Variants in AK5 observed in about 807,000 individuals in gnomAD.
The protein encoded by AK5 is adenylate kinase isoenzyme 5.
In AK5, 27 loss-of-function variants were observed where a neutral mutation model predicts 69.5. The ratio of observed to expected loss-of-function variants is 0.39; its 90% CI spans 0.29 to 0.54. AK5 has a LOEUF of 0.54. AK5 is among the 20% of genes least tolerant of loss of function. The pLI is 0.71. For missense variants in AK5, 531 were observed against 700.4 expected (o/e 0.76, Z 2.73); for synonymous variants, 260 against 244.4 (o/e 1.06, Z -0.60).
At chr1:77,339,487 A>G (rs1264573348) in intron 5 of AK5, among the ~76,000 whole-genome samples, 2 of 152,208 alleles carry the variant, frequency 1.3e-5, no homozygotes, top group African/African-American at 4.8e-5. Flanking sequence ...AGTGAAAGGA[A>G]CAGAGGCCTT....
chr1:77,320,002 G>A (rs1389765224), intron 5 of AK5, among the ~76,000 whole-genome samples: 1 of 152,182 alleles, frequency 6.6e-6, no homozygotes, highest in African/African-American at 2.4e-5. Flanking sequence ...CCCAAGACTG[G>A]TAATTTACAA....
At chr1:77,407,100 A>G (rs1393231616) in intron 6 of AK5, among the ~76,000 whole-genome samples, 10 of 150,500 alleles carry the variant, frequency 6.6e-5, no homozygotes, top group Admixed American at 1.3e-4. Context: ...AAAAAAATCA[A>G]CTGAAACTGA....
chr1:77,442,201 C>A (rs1330252662), intron 8 of AK5, among the ~76,000 whole-genome samples: 1 of 152,040 alleles, frequency 6.6e-6, no homozygotes, highest in African/African-American at 2.4e-5. Context: ...AAGCCATGGG[C>A]AGGGATGATT....
At chr1:77,332,922 T>G (rs1351763579) in intron 5 of AK5, among the ~76,000 whole-genome samples, 3 of 152,082 alleles carry the variant, frequency 2.0e-5, no homozygotes, top group Non-Finnish European at 4.4e-5. Context: ...ATTGTGGATT[T>G]GTGACTTTCT....
intron 10 of AK5, among the ~76,000 whole-genome samples, chr1:77,512,852 A>G (rs12732561): frequency 0.13 from 19,991 of 152,176 alleles, 1,649 homozygotes; most frequent in Admixed American, 0.2. Flanking sequence ...TGATGAGTTC[A>G]TGTCCTTTGT....
chr1:77,519,245 C>T (rs1657843548), intron 11 of AK5, among the ~76,000 whole-genome samples: 1 of 152,116 alleles, frequency 6.6e-6, no homozygotes, highest in Admixed American at 6.5e-5. Context: ...TTCATCCCTG[C>T]CACACTGGGT....
intron 6 of AK5, among the ~76,000 whole-genome samples, chr1:77,367,063 C>T (rs1044514196): frequency 2.0e-5 from 3 of 152,090 alleles, no homozygotes; most frequent in African/African-American, 7.2e-5. Context: ...CTCAGGCAAA[C>T]TTGTGAGGTG....
intron 8 of AK5, chr1:77,420,312 A>G (rs1345425455): frequency 2.0e-5 from 3 of 152,158 alleles, no homozygotes; most frequent in African/African-American, 7.2e-5. Flanking sequence ...CTAAAATATT[A>G]AAAGTGAAAA....
At position 77,406,493 on chromosome 1, in the gene AK5, C is replaced by G. The variant is rs151175325; in HGVS notation, c.892-4488C>G. On this transcript the variant is annotated intron_variant, in intron 6 of 13. Coordinates refer to ENST00000354567, the MANE Select transcript of AK5 (RefSeq NM_174858.3). ...TATGCAGAGGGCCTAATCAGATATT[C>G]AGTGGCCACCTTGTATCTGTCCTAA... 3.3e-5 allele frequency among the ~76,000 whole-genome samples: 5 copies of G among 151,604 alleles called. 1 individual carries two copies. The highest frequency in any genetic ancestry group is 1.2e-4 in the African/African-American group (5 of 41,218).
At chr1:77,551,995 C>A (rs989837745) in intron 13 of AK5, among the ~76,000 whole-genome samples, 2 of 152,130 alleles carry the variant, frequency 1.3e-5, no homozygotes, top group Admixed American at 1.3e-4. Flanking sequence ...AACTCTTAAA[C>A]CTTCTCCTAG....
intron 5 of AK5, among the ~76,000 whole-genome samples, chr1:77,339,368 T>C (rs1425680309): frequency 6.6e-6 from 1 of 152,248 alleles, no homozygotes; most frequent in Non-Finnish European, 1.5e-5. Context: ...GCAATGCTAG[T>C]TCTAATTTAG....
At chr1:77,284,230 G>A (rs1658222785) in intron 1 of AK5, among the ~76,000 whole-genome samples, 4 of 152,172 alleles carry the variant, frequency 2.6e-5, no homozygotes, top group Admixed American at 1.3e-4. Flanking sequence ...TGTGCTATGC[G>A]CAGCTCAAGA....
intron 5 of AK5, among the ~76,000 whole-genome samples, chr1:77,324,121 T>G (rs991626720): frequency 6.6e-6 from 1 of 152,176 alleles, no homozygotes; most frequent in African/African-American, 2.4e-5. Context: ...TTGTAGAGCC[T>G]TGGCAATCTA....
At chr1:77,367,685 ATATATACGT>A (rs1267970922) in intron 6 of AK5, among the ~76,000 whole-genome samples, 3 of 89,212 alleles carry the variant, frequency 3.4e-5, no homozygotes, top group African/African-American at 4.4e-5. Flanking sequence ...TATATATGTT[ATATATACGT>A]TATATGTTAT....
At chr1:77,408,393 G>C (rs1649803039) in intron 6 of AK5, among the ~76,000 whole-genome samples, 1 of 152,064 alleles carries the variant, frequency 6.6e-6, no homozygotes, top group Non-Finnish European at 1.5e-5. Context: ...ATGATGTTGA[G>C]CATTTTTTCA....
chr1:77,381,247 C>T (rs1647613192), intron 6 of AK5, among the ~76,000 whole-genome samples: 1 of 152,250 alleles, frequency 6.6e-6, no homozygotes, highest in East Asian at 1.9e-4. Context: ...GAAGTTATAG[C>T]AACAAGAATG....
chr1:77,368,367 C>T lies in AK5; in HGVS notation c.891+27799C>T, dbSNP rs555985991. 3.3e-4 allele frequency among the ~76,000 whole-genome samples: 44 copies of T among 131,820 alleles called. 1 individual carries two copies. The South Asian group carries it at 4.9e-3, about 15-fold the overall frequency. The allele number at this position is 131,820 out of a possible 152,430, so 86.5% of individuals were successfully genotyped here. ...TATATATATGTTGTGTATATATATA[C>T]ACACACACACACCTTATACACATAG... On this transcript the variant is annotated intron_variant, in intron 6 of 13. Transcript: ENST00000354567.
At chr1:77,400,984 G>A (rs1258187391) in intron 6 of AK5, among the ~76,000 whole-genome samples, 1 of 149,314 alleles carries the variant, frequency 6.7e-6, no homozygotes, top group Non-Finnish European at 1.5e-5. Flanking sequence ...GGTTCAGCAG[G>A]GCTGTACCAC....
chr1:77,472,515 A>G (rs534686880), intron 8 of AK5, among the ~76,000 whole-genome samples: 1 of 151,278 alleles, frequency 6.6e-6, no homozygotes, highest in East Asian at 2.0e-4. Context: ...AATGCAAGGG[A>G]GGATGGAAAT....
Sources: allele counts gnomAD v4.1 joint callset (sites outside exome capture counted in the v4.1 genomes callset), GRCh38; gene constraint gnomAD v4.1.1; transcripts MANE v1.5; gene names NCBI Gene and HGNC (gene_info 2026-07-23, HGNC 2026-07-21).